Variants in GRID2IP observed in about 807,000 individuals in gnomAD.
GRID2IP encodes Grid2 interacting protein, also known as delphilin.
GRID2IP carries 78 observed loss-of-function variants against 114.3 expected under a neutral mutation model. The observed-to-expected ratio is 0.68, with a 90% confidence interval of 0.57 to 0.82. GRID2IP has a LOEUF of 0.82. Among genes scored for constraint, GRID2IP ranks in the 40% least tolerant of loss-of-function variants. GRID2IP has a pLI of 0.00. For synonymous variants in GRID2IP, 809 were observed against 724.0 expected (o/e 1.12, Z -1.89); for missense variants, 1,727 against 1,678.5 (o/e 1.03, Z -0.51).
rs1452297664 is a variant in GRID2IP, at chr7:6,497,814, C to G, written c.3596G>C (p.Gly1199Ala). The change falls in exon 22 of 22, where the codon GGC (glycine) becomes GCC (alanine). Residue 1199 changes from glycine (G) to alanine (A), a missense_variant. Gly to Ala is a moderately conservative substitution (Grantham distance 60). Coordinates refer to ENST00000457091, the MANE Select transcript of GRID2IP (RefSeq NM_001145118.2). ...TGAAACCATCCCGGAGCTGCGCAGGCCCTCCCCGGCCTGCAGGTCACTCAG... is the reference window on the plus strand; with the variant it reads ...TGAAACCATCCCGGAGCTGCGCAGGGCCTCCCCGGCCTGCAGGTCACTCAG... ...RALSDLQAGE[G>A]LRSSGMVSPL... 7 of 1,550,142 alleles carry G rather than the reference C, an allele frequency of 4.5e-6. No individual in the cohort carries two copies. The highest frequency in any genetic ancestry group is 4.1e-5 in the African/African-American group (3 of 73,052).
intron 1 of GRID2IP, 28 bp downstream of exon 1, chr7:6,550,980 G>GAGCCCCCC: frequency 1.8e-6 from 1 of 550,070 alleles, no homozygotes; most frequent in Non-Finnish European, 2.3e-6. Context: ...CCTCCTTCCC[G>GAGCCCCCC]CCCCCACCTC....
intron 7 of GRID2IP, among the ~76,000 whole-genome samples, chr7:6,517,012 C>G (rs1006729841): frequency 6.6e-6 from 1 of 151,854 alleles, no homozygotes; most frequent in African/African-American, 2.4e-5. Context: ...AGTGGTCCCC[C>G]GGGCCCAGCT....
chr7:6,511,910 T>A (rs1779176827), intron 8 of GRID2IP, among the ~76,000 whole-genome samples: 1 of 151,840 alleles, frequency 6.6e-6, no homozygotes, highest in Admixed American at 6.6e-5. Flanking sequence ...TCTCTTTCTC[T>A]CTTTCTCTCT....
intron 15 of GRID2IP, 51 bp downstream of exon 15, chr7:6,504,741 GA>G: frequency 7.0e-7 from 1 of 1,421,802 alleles, no homozygotes; most frequent in Non-Finnish European, 9.7e-7. Context: ...GAGGCCCAGA[GA>G]AAGGGCCGCC....
In GRID2IP at chr7:6,503,572, G is replaced by T. The variant is rs975708402; in HGVS notation, c.2826C>A (p.Pro942=). ...GGTAGCGCTGCTCCTCGTCGGCGTC[G>T]GGCGCGAAGAGCAGCAGCTGCGCGA... ...AHLAQLLLFA[P]DADEEQRYQA... Residue 942 remains proline, a synonymous_variant, in exon 16 of 22, where the codon CCC becomes CCA. Transcript: ENST00000457091. 18 of 1,528,764 alleles carry T rather than the reference G, an allele frequency of 1.2e-5. No homozygotes were observed. Among genetic ancestry groups the T allele is most frequent in the East Asian group, 2.5e-5 (1 of 40,154 alleles). The allele number at this position is 1,528,764 out of a possible 1,614,324, so 94.7% of individuals were successfully genotyped here.
Position 6,521,369 on chromosome 7 carries a change from A to G in GRID2IP, c.1084+60T>C. ...GTCCTCCGCACTGTGACTCTCACAT[A>G]TAGCAGCCTGGGCAGGGTCTCTGGG... is the stretch of plus-strand genomic sequence containing the variant. On this transcript the variant is annotated intron_variant, in intron 6 of 21. Transcript: ENST00000457091. This position sits in a 1 kb window ranked among gnomAD's most constrained non-coding sequence, Gnocchi z 4.1. 8.0e-7 allele frequency: 1 copy of G among 1,247,568 alleles called. No individual in the cohort carries two copies. Among genetic ancestry groups the G allele is most frequent in the Non-Finnish European group, 1.1e-6 (1 of 896,618 alleles). The allele number at this position is 1,247,568 out of a possible 1,614,324, so 77.3% of individuals were successfully genotyped here. A position where few individuals can be genotyped will look rare whatever the true frequency, so the allele number is the denominator to read the frequency against.
chr7:6,530,629 AG>A (rs1779603580), intron 2 of GRID2IP, among the ~76,000 whole-genome samples: 1 of 151,960 alleles, frequency 6.6e-6, no homozygotes, highest in African/African-American at 2.4e-5. Context: ...AATGGTGGCA[AG>A]GGGACAAGGG....
At position 6,539,831 on chromosome 7, in the gene GRID2IP, C is replaced by G. The variant is rs929238316; in HGVS notation, c.471G>C (p.Gln157His). The change falls in exon 2 of 22, where the codon CAG (glutamine) becomes CAC (histidine). Residue 157 changes from glutamine (Q) to histidine (H), a missense_variant. By Grantham distance (24) the Gln-to-His change is conservative. Transcript: ENST00000457091. ...CAAACTGCTTCAGTGCAGCGAACAC[C>G]TGCTCCTTGGCAGTTGGCTGGTCCC... ...ILGDQPTAKEQVFAALKQFAA... is the reference protein window; with the variant it reads ...ILGDQPTAKEHVFAALKQFAA... 2.6e-6 allele frequency: 4 copies of G among 1,551,308 alleles called. No individual in the cohort carries two copies. The African/African-American group carries it at 5.5e-5, about 21-fold the overall frequency.
Position 6,509,832 on chromosome 7 carries a change from T to C in GRID2IP, c.1771+451A>G, listed in dbSNP as rs1786712996. Among the ~76,000 whole-genome samples, 1 of 152,180 alleles carries C rather than the reference T, an allele frequency of 6.6e-6. No individual in the cohort carries two copies. Among genetic ancestry groups the C allele is most frequent in the African/African-American group, 2.4e-5 (1 of 41,430 alleles). ...CTCAGAATCAGGCATCTGCCTTCTT[T>C]CTTTTTCTTTTTTAAGACAGGGTCT... On this transcript the variant is annotated intron_variant, in intron 11 of 21. Transcript: ENST00000457091. This position sits in a 1 kb window ranked among gnomAD's most constrained non-coding sequence, Gnocchi z 4.9.
rs1258971595 is a variant in GRID2IP, at chr7:6,551,307, G to C, written c.130C>G (p.Arg44Gly). 9 of 1,543,796 alleles carry C rather than the reference G, an allele frequency of 5.8e-6. No individual in the cohort carries two copies. Among genetic ancestry groups the C allele is most frequent in the South Asian group, 2.4e-5 (2 of 83,936 alleles). The change falls in exon 1 of 22, where the codon CGG becomes GGG. Residue 44 changes from arginine (R) to glycine (G), a missense_variant. Coordinates refer to ENST00000457091, the MANE Select transcript of GRID2IP (RefSeq NM_001145118.2). The part of the protein sequence containing the change: ...KGSSAHAGGL[R>G]PGDQILEVEG... ...ACCTCCAGGATCTGGTCTCCTGGCC[G>C]CAGTCCTCCGGCATGCGCGCTGCTC...
Position 6,521,322 on chromosome 7 carries a change from G to A in GRID2IP, c.1084+107C>T, listed in dbSNP as rs939495169. On this transcript the variant is annotated intron_variant, in intron 6 of 21. Coordinates refer to ENST00000457091, the MANE Select transcript of GRID2IP (RefSeq NM_001145118.2). The surrounding 1 kb of genome is among the most constrained non-coding windows in gnomAD (Gnocchi z 4.1). ...GGAGGCAGCCCCGGGGAGGCAAGCT[G>A]CAGGTTTAGGGGAAGAGCTGAGTCC... 12 of 745,054 alleles carry A rather than the reference G, an allele frequency of 1.6e-5. No homozygotes were observed. Among genetic ancestry groups the A allele is most frequent in the Middle Eastern group, 2.4e-4 (1 of 4,094 alleles). 46.2% of individuals were successfully genotyped at this position (745,054 alleles called of 1,614,324 possible). A position where few individuals can be genotyped will look rare whatever the true frequency, so the allele number is the denominator to read the frequency against.
At chr7:6,522,328 A>T (rs1779427961) in intron 4 of GRID2IP, among the ~76,000 whole-genome samples, 2 of 152,204 alleles carry the variant, frequency 1.3e-5, no homozygotes, top group Middle Eastern at 6.8e-3. Flanking sequence ...ATCCCCTAGC[A>T]GGGGTACAGC....
At chr7:6,545,707 G>C (rs1174443516) in intron 1 of GRID2IP, among the ~76,000 whole-genome samples, 1 of 152,176 alleles carries the variant, frequency 6.6e-6, no homozygotes, top group Non-Finnish European at 1.5e-5. Context: ...CCCAAGCACA[G>C]CGCCTGGCAC....
At chr7:6,544,540 A>T (rs1779858213) in intron 1 of GRID2IP, among the ~76,000 whole-genome samples, 1 of 151,760 alleles carries the variant, frequency 6.6e-6, no homozygotes, top group African/African-American at 2.4e-5. Flanking sequence ...TCAGCCTCCC[A>T]ATGTGCTGGG....
Position 6,536,731 on chromosome 7 carries a change from C to A in GRID2IP, c.584+2987G>T. On this transcript the variant is annotated intron_variant, in intron 2 of 21. Coordinates refer to ENST00000457091, the MANE Select transcript of GRID2IP (RefSeq NM_001145118.2). The surrounding 1 kb of genome is among the most constrained non-coding windows in gnomAD (Gnocchi z 5.3). ...TCAGCTCCCCAGGAAGCGCTCAGAG[C>A]CAGCGCATCATCTCCGCGGCAAATT... is the stretch of plus-strand genomic sequence containing the variant. 1.4e-6 allele frequency: 1 copy of A among 693,854 alleles called. No individual in the cohort carries two copies. Among genetic ancestry groups the A allele is most frequent in the South Asian group, 1.5e-5 (1 of 67,176 alleles). 43.0% of individuals were successfully genotyped at this position (693,854 alleles called of 1,614,324 possible).
At chr7:6,503,222 C>T in intron 16 of GRID2IP, 59 bp from the exon 17 acceptor site, 1 of 1,285,270 alleles carries the variant, frequency 7.8e-7, no homozygotes, top group Non-Finnish European at 1.1e-6. Context: ...TCTGCCCCAC[C>T]GCAGGCTTTG....
chr7:6,545,946 G>C (rs1055410698), intron 1 of GRID2IP, among the ~76,000 whole-genome samples: 3 of 152,058 alleles, frequency 2.0e-5, no homozygotes, highest in Non-Finnish European at 4.4e-5. Flanking sequence ...CTGCAGAGAT[G>C]TTTTATGTAA....
chr7:6,517,635 G>A (rs1779334670), intron 7 of GRID2IP, among the ~76,000 whole-genome samples: 3 of 152,086 alleles, frequency 2.0e-5, no homozygotes, highest in Non-Finnish European at 4.4e-5. Flanking sequence ...TCCAGCCGTC[G>A]TGGCTCACAA....
At chr7:6,511,521 C>T (rs1029367876) in intron 8 of GRID2IP, among the ~76,000 whole-genome samples, 3 of 151,438 alleles carry the variant, frequency 2.0e-5, no homozygotes, top group Admixed American at 6.6e-5. Context: ...TACAGGTGTC[C>T]GTCACCATGC....
Sources: allele counts gnomAD v4.1 joint callset (sites outside exome capture counted in the v4.1 genomes callset), GRCh38; gene constraint gnomAD v4.1.1; non-coding constraint Gnocchi (gnomAD v3.1); transcripts MANE v1.5; gene names NCBI Gene and HGNC (gene_info 2026-07-23, HGNC 2026-07-21).